The following AFF1 variants were observed in gnomAD, a reference collection of about 807,000 sequenced individuals.
AFF1 encodes the protein AF4/FMR2 family member 1.
AFF1 carries 48 observed loss-of-function variants against 121.7 expected under a neutral mutation model. That is an observed-to-expected ratio of 0.39 (90% CI 0.31 to 0.50). The LOEUF is 0.50. Among genes scored for constraint, AFF1 ranks in the 20% least tolerant of loss-of-function variants. The pLI, the probability that AFF1 is intolerant of heterozygous loss-of-function variation, is 0.76. For missense variants in AFF1, 1,523 were observed against 1,511.7 expected (o/e 1.01, Z -0.12); for synonymous variants, 613 against 563.0 (o/e 1.09, Z -1.26).
chr4:87,027,797 T>TG (rs1728674594), intron 2 of AFF1, among the ~76,000 whole-genome samples: 1 of 142,296 alleles, frequency 7.0e-6, no homozygotes, highest in Non-Finnish European at 1.5e-5. Flanking sequence ...TTTTTTTTTT[T>TG]TTTTTTTTTT....
In AFF1 at chr4:87,061,488, G is replaced by A. The variant is rs894564454; in HGVS notation, c.1059+13894G>A. 3.3e-5 allele frequency among the ~76,000 whole-genome samples: 5 copies of A among 152,228 alleles called. No homozygotes were observed. The South Asian group carries it at 6.2e-4, about 19-fold the overall frequency. ...GAAGCATTAAAACCAACACTGGGGCGTGGCTGCCCACAGAGCGTCAGAGAC... is the reference window on the plus strand; with the variant it reads ...GAAGCATTAAAACCAACACTGGGGCATGGCTGCCCACAGAGCGTCAGAGAC... On this transcript the variant is annotated intron_variant, in intron 4 of 20. Coordinates refer to ENST00000395146, the MANE Select transcript of AFF1 (RefSeq NM_001166693.3).
In AFF1 at chr4:87,046,216, G is replaced by A. The variant is rs774013746; in HGVS notation, c.89G>A (p.Arg30His). The change falls in exon 3 of 21, where the codon CGC (arginine) becomes CAC (histidine). Residue 30 changes from arginine to histidine, a missense_variant. Physicochemically the swap from Arg to His is conservative, Grantham distance 29. Around this residue, in one of 5 missense-constraint regions of AFF1, gnomAD observed 369 missense variants for 367.2 expected, o/e 1.00. Coordinates refer to ENST00000395146, the MANE Select transcript of AFF1 (RefSeq NM_001166693.3). Reference protein sequence around the residue: ...NLLRIREKERRNQEAHQEKEA... With the variant: ...NLLRIREKERHNQEAHQEKEA... Reference sequence around the variant, plus strand: ...CTTCGAATTAGAGAGAAGGAAAGACGCAACCAGGAAGCCCACCAAGAGAAA... The same window carrying A: ...CTTCGAATTAGAGAGAAGGAAAGACACAACCAGGAAGCCCACCAAGAGAAA... 14 of 1,613,800 alleles carry A rather than the reference G, an allele frequency of 8.7e-6. No individual in the cohort carries two copies. In the East Asian group the frequency reaches 1.3e-4, roughly 15 times the overall value.
intron 12 of AFF1, among the ~76,000 whole-genome samples, chr4:87,116,826 G>A (rs1355042796): frequency 3.3e-5 from 5 of 150,880 alleles, no homozygotes; most frequent in African/African-American, 7.3e-5. Flanking sequence ...TATGGGATGG[G>A]GTGGGGTGTG....
intron 12 of AFF1, among the ~76,000 whole-genome samples, chr4:87,121,402 C>G (rs1170971106): frequency 6.6e-6 from 1 of 152,188 alleles, no homozygotes; most frequent in Non-Finnish European, 1.5e-5. Context: ...TGTTAATGAC[C>G]CTTTCCTACA....
At chr4:87,115,320 C>G (rs1044670043) in intron 12 of AFF1, 21 bp downstream of exon 12, 3 of 1,548,570 alleles carry the variant, frequency 1.9e-6, no homozygotes, top group South Asian at 2.4e-5. Flanking sequence ...GGAGACTGCC[C>G]TGACTCCAGC....
intron 2 of AFF1, among the ~76,000 whole-genome samples, chr4:86,976,053 G>T (rs544271698): frequency 1.3e-5 from 2 of 152,256 alleles, no homozygotes; most frequent in Non-Finnish European, 2.9e-5. Flanking sequence ...TAAATGAATG[G>T]TTATAATACA....
At chr4:87,046,604 G>GT (rs1273560145) in intron 3 of AFF1, 91 bp from the exon 4 acceptor site, 24 of 1,362,792 alleles carry the variant, frequency 1.8e-5, no homozygotes, top group African/African-American at 2.9e-5. Flanking sequence ...TAAGTTCGGA[G>GT]TTTTTTCCTT....
intron 4 of AFF1, chr4:87,047,844 A>G: frequency 1.7e-6 from 1 of 590,604 alleles, no homozygotes; most frequent in Non-Finnish European, 3.1e-6. Flanking sequence ...AAATTTATAT[A>G]CAGTAAAACA....
At chr4:86,980,768 C>T (rs1723671955) in intron 2 of AFF1, among the ~76,000 whole-genome samples, 1 of 152,064 alleles carries the variant, frequency 6.6e-6, no homozygotes, top group African/African-American at 2.4e-5. Flanking sequence ...ACGATAGAAG[C>T]TAGACTTTCC....
chr4:87,018,827 T>C (rs1033589164), intron 2 of AFF1, among the ~76,000 whole-genome samples: 1 of 152,190 alleles, frequency 6.6e-6, no homozygotes, highest in Non-Finnish European at 1.5e-5. Flanking sequence ...GGCACATAAA[T>C]GTAAACACAT....
At chr4:86,968,327 A>C (rs1722678864) in intron 2 of AFF1, among the ~76,000 whole-genome samples, 2 of 152,190 alleles carry the variant, frequency 1.3e-5, no homozygotes, top group African/African-American at 4.8e-5. Flanking sequence ...TAATACATTA[A>C]ATAATTTATA....
chr4:87,108,471 T>C (rs1726150380), intron 11 of AFF1, among the ~76,000 whole-genome samples, 156 bp downstream of exon 11: 1 of 152,180 alleles, frequency 6.6e-6, no homozygotes, highest in South Asian at 2.1e-4. Context: ...GAGCCATCTG[T>C]TTCTATTTAT....
At chr4:86,944,509 AT>A (rs199887498) in intron 1 of AFF1, among the ~76,000 whole-genome samples, 1 of 151,654 alleles carries the variant, frequency 6.6e-6, no homozygotes, top group South Asian at 2.1e-4. Flanking sequence ...CGCTTGGCTA[AT>A]TTTTTTTGTA....
chr4:86,989,934 C>T (rs953099051), intron 2 of AFF1, among the ~76,000 whole-genome samples: 3 of 152,020 alleles, frequency 2.0e-5, no homozygotes, highest in Non-Finnish European at 2.9e-5. Context: ...GGACAGAAAA[C>T]CAAACACCAC....
At chr4:86,980,247 T>G (rs1446215795) in intron 2 of AFF1, among the ~76,000 whole-genome samples, 1 of 152,126 alleles carries the variant, frequency 6.6e-6, no homozygotes, top group African/African-American at 2.4e-5. Context: ...TGGCAAAATA[T>G]GAAAAAAATG....
chr4:87,084,199 A>G (rs1723451870), intron 5 of AFF1, 35 bp downstream of exon 5: 1 of 1,599,764 alleles, frequency 6.3e-7, no homozygotes, highest in South Asian at 1.1e-5. Context: ...ATTTGAAGAA[A>G]TATTTAAGTA....
At chr4:87,046,570 CATTAA>C in intron 3 of AFF1, 120 bp from the exon 4 acceptor site, 1 of 1,083,652 alleles carries the variant, frequency 9.2e-7, no homozygotes, top group Non-Finnish European at 1.3e-6. Context: ...TAAAATGGCA[CATTAA>C]ATTCTACATG....
intron 4 of AFF1, among the ~76,000 whole-genome samples, chr4:87,052,819 T>C (rs1731409211): frequency 6.6e-6 from 1 of 151,814 alleles, no homozygotes; most frequent in Non-Finnish European, 1.5e-5. Context: ...GGCAGGGAAC[T>C]GATAGGGCTC....
At position 87,108,681 on chromosome 4, in the gene AFF1, A is replaced by C. The variant is rs2149752800; in HGVS notation, c.1533+366A>C. Among the ~76,000 whole-genome samples the C allele has an allele frequency of 3.3e-5, 5 of 152,322 alleles. 1 individual carries two copies. In the Middle Eastern group the frequency reaches 0.014, roughly 414 times the overall value. On this transcript the variant is annotated intron_variant, in intron 11 of 20. Coordinates refer to ENST00000395146, the MANE Select transcript of AFF1 (RefSeq NM_001166693.3). ...AGGCTGCTATTTTAATATTAATGAGAATTCTTCGTGAAATTTTAGAAATGC... is the reference window on the plus strand; with the variant it reads ...AGGCTGCTATTTTAATATTAATGAGCATTCTTCGTGAAATTTTAGAAATGC...
Sources: allele counts gnomAD v4.1 joint callset (sites outside exome capture counted in the v4.1 genomes callset), GRCh38; gene constraint gnomAD v4.1.1; regional missense constraint gnomAD v4.1.1; transcripts MANE v1.5; gene names NCBI Gene and HGNC (gene_info 2026-07-23, HGNC 2026-07-21).